The following MAML3 variants were observed in gnomAD, a reference collection of about 807,000 sequenced individuals.
The protein encoded by MAML3 is mastermind like transcriptional coactivator 3.
In MAML3, 27 loss-of-function variants were observed where a neutral mutation model predicts 101.9. The observed-to-expected ratio is 0.27, with a 90% CI of 0.20 to 0.37. The LOEUF (loss-of-function observed/expected upper bound fraction) is 0.37. Ranked by LOEUF, MAML3 falls within the 10% of genes least tolerant of loss-of-function variation. MAML3 has a pLI of 1.00. For synonymous variants in MAML3, 501 were observed against 555.9 expected, an observed-to-expected ratio of 0.90 and a Z score of 1.39; for missense variants, 1,316 against 1,444.9, an observed-to-expected ratio of 0.91 and a Z score of 1.45.
intron 1 of MAML3, among the ~76,000 whole-genome samples, chr4:139,938,544 G>T (rs1475067441): frequency 6.6e-6 from 1 of 152,164 alleles, no homozygotes. Flanking sequence ...TATCATAATA[G>T]TGCCTGGGTG....
rs76813429 is a variant in MAML3, at chr4:139,826,467, T to G, written c.2079+62890A>C. On this transcript the variant is annotated intron_variant, in intron 2 of 4. Coordinates refer to ENST00000509479, the MANE Select transcript of MAML3 (RefSeq NM_018717.5). Reference sequence around the variant, plus strand: ...AACACGAATCGCATAACTAGGGACCTTGGGAAAGACACCTGAACAAAACAT... The same window carrying G: ...AACACGAATCGCATAACTAGGGACCGTGGGAAAGACACCTGAACAAAACAT... 6.8e-3 allele frequency among the ~76,000 whole-genome samples: 1,028 copies of G among 152,258 alleles called. 9 individuals carry two copies. Among genetic ancestry groups the G allele is most frequent in the African/African-American group, 0.024 (992 of 41,536 alleles).
In MAML3 at chr4:140,010,493, T is replaced by C. The variant is rs1447279993; in HGVS notation, c.469-119526A>G. 7.2e-5 allele frequency among the ~76,000 whole-genome samples: 11 copies of C among 152,290 alleles called. No homozygotes were observed. In the East Asian group the frequency reaches 2.1e-3, roughly 29 times the overall value. On this transcript the variant is annotated intron_variant, in intron 1 of 4. Coordinates refer to ENST00000509479, the MANE Select transcript of MAML3 (RefSeq NM_018717.5). The stretch of plus-strand genomic sequence containing the variant: ...CCTTCTTTTCATCGGGGTAGATCAG[T>C]TTAAACAATTTAAAAATTAGAACCA...
intron 2 of MAML3, among the ~76,000 whole-genome samples, chr4:139,775,002 C>G (rs1014502541): frequency 6.6e-6 from 1 of 152,104 alleles, no homozygotes; most frequent in Non-Finnish European, 1.5e-5. Flanking sequence ...TTTAGAACAC[C>G]AGCAATCCCC....
In MAML3 at chr4:139,880,657, G is replaced by A. The variant is rs373511965; in HGVS notation, c.2079+8700C>T. On this transcript the variant is annotated intron_variant, in intron 2 of 4. Coordinates refer to ENST00000509479, the MANE Select transcript of MAML3 (RefSeq NM_018717.5). ...TTTTCAATACATGTATTTGACATGTGTAAATTTTGTGTTAAGAGAGCACTT... is the reference window on the plus strand; with the variant it reads ...TTTTCAATACATGTATTTGACATGTATAAATTTTGTGTTAAGAGAGCACTT... 2.0e-3 allele frequency among the ~76,000 whole-genome samples: 306 copies of A among 152,236 alleles called. 2 individuals carry two copies. Among genetic ancestry groups the A allele is most frequent in the African/African-American group, 6.9e-3 (288 of 41,546 alleles).
intron 1 of MAML3, among the ~76,000 whole-genome samples, chr4:140,092,054 T>C (rs988480918): frequency 1.4e-5 from 2 of 140,282 alleles, no homozygotes; most frequent in African/African-American, 5.3e-5. Context: ...ATTTTTGAGA[T>C]AAAAACTTTA....
At chr4:139,743,347 A>T (rs1288018592) in intron 2 of MAML3, among the ~76,000 whole-genome samples, 1 of 152,218 alleles carries the variant, frequency 6.6e-6, no homozygotes, top group African/African-American at 2.4e-5. Flanking sequence ...CTTCCCGGAC[A>T]CTAGGGATCC....
At chr4:139,767,178 A>G (rs1729877951) in intron 2 of MAML3, among the ~76,000 whole-genome samples, 1 of 152,198 alleles carries the variant, frequency 6.6e-6, no homozygotes, top group Non-Finnish European at 1.5e-5. Flanking sequence ...AAAAGTCCAC[A>G]TTGGGTCAGG....
intron 1 of MAML3, among the ~76,000 whole-genome samples, chr4:139,996,388 A>G (rs916826209): frequency 1.3e-5 from 2 of 151,928 alleles, no homozygotes; most frequent in Non-Finnish European, 2.9e-5. Context: ...TTGTTGAATT[A>G]TTGTCTATTT....
intron 1 of MAML3, among the ~76,000 whole-genome samples, chr4:140,151,967 G>A (rs947948964): frequency 3.3e-5 from 5 of 152,226 alleles, no homozygotes; most frequent in African/African-American, 7.2e-5. Context: ...GCGGGGCAGG[G>A]GGCGCCAAGC....
At chr4:140,087,979 CA>C (rs1727984982) in intron 1 of MAML3, among the ~76,000 whole-genome samples, 1 of 152,126 alleles carries the variant, frequency 6.6e-6, no homozygotes, top group Non-Finnish European at 1.5e-5. Flanking sequence ...CACATGAAAA[CA>C]AAATTGGCCA....
intron 2 of MAML3, among the ~76,000 whole-genome samples, chr4:139,775,647 G>A (rs1371602038): frequency 1.3e-5 from 2 of 152,094 alleles, no homozygotes; most frequent in African/African-American, 2.4e-5. Flanking sequence ...GGTTCGGGGG[G>A]CAGAATGATT....
intron 1 of MAML3, 82 bp from the exon 2 acceptor site, chr4:139,891,049 A>C (rs1357039203): frequency 6.8e-7 from 1 of 1,463,176 alleles, no homozygotes; most frequent in Non-Finnish European, 9.1e-7. Context: ...CATTGCGATG[A>C]ACTAACTTTT....
intron 2 of MAML3, among the ~76,000 whole-genome samples, chr4:139,840,583 G>A (rs1294114259): frequency 1.3e-5 from 2 of 152,210 alleles, no homozygotes; most frequent in African/African-American, 4.8e-5. Flanking sequence ...AAGGGCAAGG[G>A]CAGGATAATG....
intron 2 of MAML3, among the ~76,000 whole-genome samples, chr4:139,864,691 A>AAG (rs1341340207): frequency 6.7e-6 from 1 of 149,672 alleles, no homozygotes; most frequent in Non-Finnish European, 1.5e-5. Context: ...AAAAAAAAAA[A>AAG]AAAAAAAAGA....
At chr4:139,781,253 T>C (rs1177050768) in intron 2 of MAML3, among the ~76,000 whole-genome samples, 1 of 152,108 alleles carries the variant, frequency 6.6e-6, no homozygotes. Context: ...CCCACCCACG[T>C]TTTCCTATTT....
At chr4:139,729,156 CAAAAAAAA>C (rs4057275) in intron 3 of MAML3, among the ~76,000 whole-genome samples, 1 of 81,704 alleles carries the variant, frequency 1.2e-5, no homozygotes, top group Non-Finnish European at 2.3e-5. Context: ...GGAACAAAAG[CAAAAAAAA>C]AAAAAAAAAA....
At chr4:139,918,571 C>T (rs1341588097) in intron 1 of MAML3, among the ~76,000 whole-genome samples, 1 of 152,196 alleles carries the variant, frequency 6.6e-6, no homozygotes, top group Non-Finnish European at 1.5e-5. Context: ...GTCTTTTTCA[C>T]ACCACTGATC....
At chr4:140,058,680 T>C (rs553135787) in intron 1 of MAML3, among the ~76,000 whole-genome samples, 204 of 152,248 alleles carry the variant, frequency 1.3e-3, no homozygotes, top group Non-Finnish European at 2.4e-3. Flanking sequence ...CTCATCATGT[T>C]CTAGCTTTCT....
intron 1 of MAML3, among the ~76,000 whole-genome samples, chr4:139,963,790 A>G (rs1300649044): frequency 6.6e-6 from 1 of 152,196 alleles, no homozygotes; most frequent in Non-Finnish European, 1.5e-5. Context: ...TCTGTACAAT[A>G]TTAGCAACTA....
Sources: gnomAD v4.1 joint callset for allele counts (sites outside exome capture counted in the v4.1 genomes callset) on GRCh38, gnomAD v4.1.1 for gene constraint, MANE v1.5 for transcripts, NCBI Gene and HGNC (gene_info 2026-07-23, HGNC 2026-07-21) for gene names.